The following SEMA7A variants were observed in gnomAD, a reference collection of about 807,000 sequenced individuals.
SEMA7A encodes semaphorin-7A.
Under a neutral mutation model 67.5 loss-of-function variants are expected in SEMA7A, and 21 were observed. That is an observed-to-expected ratio of 0.31 (90% confidence interval 0.22 to 0.45). The LOEUF (loss-of-function observed/expected upper bound fraction) is 0.45, where lower values mean the gene tolerates loss of function less well. SEMA7A is among the 20% of genes least tolerant of loss of function. SEMA7A has a pLI of 1.00. For synonymous variants in SEMA7A, 364 were observed against 368.5 expected (o/e 0.99, Z 0.14); for missense variants, 774 against 908.6 (o/e 0.85, Z 1.90).
chr15:74,430,745 A>G (rs2061081705), intron 1 of SEMA7A, among the ~76,000 whole-genome samples: 1 of 152,168 alleles, frequency 6.6e-6, no homozygotes, highest in Admixed American at 6.5e-5. Flanking sequence ...AAGGTGATGA[A>G]CACATCTAAG....
chr15:74,430,163 C>T (rs1596201655), intron 1 of SEMA7A, among the ~76,000 whole-genome samples: 1 of 152,170 alleles, frequency 6.6e-6, no homozygotes, highest in Non-Finnish European at 1.5e-5. Context: ...TATGTCCACC[C>T]TTGAGGGCAC....
intron 1 of SEMA7A, among the ~76,000 whole-genome samples, chr15:74,428,899 A>G (rs1395667384): frequency 6.6e-6 from 1 of 152,174 alleles, no homozygotes; most frequent in East Asian, 1.9e-4. Context: ...GGGAAGGGGG[A>G]ACTCTGTCCT....
At chr15:74,413,266 G>T (rs891993536) in intron 10 of SEMA7A, among the ~76,000 whole-genome samples, 14 of 152,228 alleles carry the variant, frequency 9.2e-5, no homozygotes, top group Non-Finnish European at 1.5e-5. Flanking sequence ...AAATTCTCAG[G>T]AAAAGAGCCA....
intron 1 of SEMA7A, among the ~76,000 whole-genome samples, chr15:74,428,938 G>A (rs534780197): frequency 4.1e-4 from 63 of 152,320 alleles, no homozygotes; most frequent in Non-Finnish European, 6.9e-4. Flanking sequence ...ACAAGGTGCC[G>A]TGGCCCTCCA....
At chr15:74,422,746 A>G (rs2061011042) in intron 1 of SEMA7A, among the ~76,000 whole-genome samples, 1 of 152,102 alleles carries the variant, frequency 6.6e-6, no homozygotes, top group Non-Finnish European at 1.5e-5. Context: ...ACCCTCGATC[A>G]CCACCCCAGC....
At chr15:74,433,357 G>A (rs1012747719) in intron 1 of SEMA7A, among the ~76,000 whole-genome samples, 2 of 151,804 alleles carry the variant, frequency 1.3e-5, no homozygotes, top group African/African-American at 4.8e-5. Context: ...GAGGGTACCC[G>A]GGTTGGGGTC....
intron 1 of SEMA7A, among the ~76,000 whole-genome samples, chr15:74,421,908 C>A (rs1295805140): frequency 6.6e-6 from 1 of 152,206 alleles, no homozygotes; most frequent in Non-Finnish European, 1.5e-5. Flanking sequence ...TGTATCATAT[C>A]CCTGAACATT....
At chr15:74,416,504 A>G in intron 7 of SEMA7A, 71 bp downstream of exon 7, 1 of 1,531,024 alleles carries the variant, frequency 6.5e-7, no homozygotes, top group East Asian at 2.3e-5. Context: ...ACACGGACAC[A>G]CAGAACTCAC....
intron 6 of SEMA7A, 102 bp from the exon 7 acceptor site, chr15:74,416,816 A>G (rs2060953033): frequency 7.6e-7 from 1 of 1,312,880 alleles, no homozygotes; most frequent in East Asian, 2.3e-5. Context: ...TGCACAAACC[A>G]TGGCAAATCA....
intron 7 of SEMA7A, 131 bp from the exon 8 acceptor site, chr15:74,416,116 C>G: frequency 1.1e-6 from 1 of 922,616 alleles, no homozygotes; most frequent in Non-Finnish European, 1.6e-6. Flanking sequence ...GGGCCAGGAC[C>G]TGCCGGGGGT....
intron 10 of SEMA7A, among the ~76,000 whole-genome samples, chr15:74,413,163 G>A (rs1339348748): frequency 4.0e-5 from 6 of 151,668 alleles, no homozygotes; most frequent in Non-Finnish European, 8.9e-5. Context: ...TGCTCCTTGG[G>A]CCTGATAAGG....
chr15:74,413,917 C>T (rs187764547), intron 10 of SEMA7A, among the ~76,000 whole-genome samples: 5 of 152,186 alleles, frequency 3.3e-5, no homozygotes, highest in Admixed American at 6.5e-5. Context: ...ACAAACCCAA[C>T]TCAGGACTGG....
chr15:74,431,129 A>C (rs1596202421), intron 1 of SEMA7A, among the ~76,000 whole-genome samples: 1 of 151,780 alleles, frequency 6.6e-6, no homozygotes, highest in African/African-American at 2.4e-5. Flanking sequence ...CCTGCAATCT[A>C]CTCCCTTACA....
At chr15:74,433,359 G>A (rs1424813448) in intron 1 of SEMA7A, among the ~76,000 whole-genome samples, 1 of 151,930 alleles carries the variant, frequency 6.6e-6, no homozygotes, top group African/African-American at 2.4e-5. Context: ...GGGTACCCGG[G>A]TTGGGGTCCC....
chr15:74,418,186 A>G (rs1301018175), intron 3 of SEMA7A, 82 bp downstream of exon 3: 14 of 1,432,764 alleles, frequency 9.8e-6, no homozygotes, highest in Non-Finnish European at 1.3e-5. Flanking sequence ...GGGCAGGGCC[A>G]TGCTTCCTTC....
Position 74,414,059 on chromosome 15 carries a change from T to A in SEMA7A, c.1294+488A>T, listed in dbSNP as rs1672560570. 6.6e-6 allele frequency among the ~76,000 whole-genome samples: 1 copy of A among 152,210 alleles called. No individual in the cohort carries two copies. Among genetic ancestry groups the A allele is most frequent in the African/African-American group, 2.4e-5 (1 of 41,446 alleles). On this transcript the variant is annotated intron_variant, in intron 10 of 13. Coordinates refer to ENST00000261918, the MANE Select transcript of SEMA7A (RefSeq NM_003612.5). The surrounding 1 kb of genome is among the most constrained non-coding windows in gnomAD (Gnocchi z 4.1). ...GTCCTCTGTGAGATGGCAAAGGTTC[T>A]GCCCCCTGGAACTCCTTCCTCATAC... is the stretch of plus-strand genomic sequence containing the variant.
In SEMA7A at chr15:74,411,258, A is replaced by G. The variant is rs1164312976; in HGVS notation, c.1639+37T>C. The G allele has an allele frequency of 1.9e-6, 3 of 1,604,770 alleles. No individual in the cohort carries two copies. The highest frequency in any genetic ancestry group is 2.6e-6 in the Non-Finnish European group (3 of 1,173,636). ...ATCAGGGCAGGGCAGTACCCCACTC[A>G]TTGGGCCACAGCCGCCAGCAGGGCC... is the stretch of plus-strand genomic sequence containing the variant. On this transcript the variant is annotated intron_variant, in intron 13 of 13. Transcript: ENST00000261918. The surrounding 1 kb of genome is among the most constrained non-coding windows in gnomAD (Gnocchi z 4.4).
At chr15:74,430,155 T>C (rs1322062869) in intron 1 of SEMA7A, among the ~76,000 whole-genome samples, 11 of 152,188 alleles carry the variant, frequency 7.2e-5, no homozygotes, top group Admixed American at 7.2e-4. Flanking sequence ...TGAATGAATA[T>C]GTCCACCCTT....
chr15:74,429,898 T>C (rs1042734767), intron 1 of SEMA7A, among the ~76,000 whole-genome samples: 1 of 151,872 alleles, frequency 6.6e-6, no homozygotes, highest in East Asian at 1.9e-4. Flanking sequence ...AGCTGGCTCC[T>C]CCTCCTGCCA....
Sources: allele counts gnomAD v4.1 joint callset (sites outside exome capture counted in the v4.1 genomes callset), GRCh38; gene constraint gnomAD v4.1.1; non-coding constraint Gnocchi (gnomAD v3.1); transcripts MANE v1.5; gene names NCBI Gene and HGNC (gene_info 2026-07-23, HGNC 2026-07-21).